TRIM25: variants seen among roughly 807,000 people sequenced by gnomAD.
The protein encoded by TRIM25 is tripartite motif containing 25.
A neutral mutation model predicts 65.2 loss-of-function variants in TRIM25; 45 were observed. The ratio of observed to expected loss-of-function variants is 0.69; its 90% CI spans 0.54 to 0.89. The LOEUF (loss-of-function observed/expected upper bound fraction) is 0.89. Among genes scored for constraint, TRIM25 ranks in the 40% least tolerant of loss-of-function variants. The pLI, the probability that TRIM25 is intolerant of heterozygous loss-of-function variation, is 0.00. For synonymous variants in TRIM25, 321 were observed against 340.4 expected (o/e 0.94, Z 0.63); for missense variants, 714 against 803.7 (o/e 0.89, Z 1.35).
At chr17:56,911,434 G>T (rs1598080414) in intron 1 of TRIM25, among the ~76,000 whole-genome samples, 1 of 152,092 alleles carries the variant, frequency 6.6e-6, no homozygotes, top group East Asian at 1.9e-4. Context: ...ACAAAAATTA[G>T]CTGGGCATGG....
intron 2 of TRIM25, 123 bp from the exon 3 acceptor site, chr17:56,904,611 C>T: frequency 1.2e-6 from 1 of 860,310 alleles, no homozygotes; most frequent in Non-Finnish European, 1.8e-6. Flanking sequence ...GAGAACAAAC[C>T]ACTGTGGGGA....
chr17:56,890,455 C>G lies in TRIM25; in HGVS notation c.*1245G>C, dbSNP rs148349967. The G allele has an allele frequency of 2.6e-4, 99 of 380,524 alleles. No individual in the cohort carries two copies. Among genetic ancestry groups the G allele is most frequent in the African/African-American group, 1.4e-3 (66 of 47,744 alleles). The allele number at this position is 380,524 out of a possible 1,614,324, so 23.6% of individuals were successfully genotyped here. On this transcript the variant is annotated 3_prime_UTR_variant, in exon 9 of 9. Transcript: ENST00000316881. Reference sequence around the variant, plus strand: ...AGTCAGTAGAAGGGGCTAGGGCCAGCCCCAGGCTCTGACTCACGCAAGGGC... The same window carrying G: ...AGTCAGTAGAAGGGGCTAGGGCCAGGCCCAGGCTCTGACTCACGCAAGGGC...
rs1909103930 is a variant in TRIM25 at position 56,888,551 on chromosome 17, T to G, written c.*3149A>C. On this transcript the variant is annotated 3_prime_UTR_variant, in exon 9 of 9. Transcript: ENST00000316881. ...AGACATTTTCAAACATATACAACAGTAAAATGAATAATATAATGAACCCTC... is the reference window on the plus strand; with the variant it reads ...AGACATTTTCAAACATATACAACAGGAAAATGAATAATATAATGAACCCTC... 1 of 151,806 alleles carries G rather than the reference T, an allele frequency of 6.6e-6. No homozygotes were observed. The highest frequency in any genetic ancestry group is 2.4e-5 in the African/African-American group (1 of 41,280). 9.4% of individuals were successfully genotyped at this position (151,806 alleles called of 1,614,324 possible). A position where few individuals can be genotyped will look rare whatever the true frequency, so the allele number is the denominator to read the frequency against.
chr17:56,913,263 G>T lies in TRIM25; in HGVS notation c.597+129C>A. The T allele has an allele frequency of 1.3e-6, 1 of 749,016 alleles. No homozygotes were observed. The highest frequency in any genetic ancestry group is 2.1e-6 in the Non-Finnish European group (1 of 485,058). The allele number at this position is 749,016 out of a possible 1,614,324, so 46.4% of individuals were successfully genotyped here. Reference sequence around the variant, plus strand: ...ATCCCCTTTCTACTCTGACATTGGAGATGCCCCGGCCTCGAATTCAGGCCC... The same window carrying T: ...ATCCCCTTTCTACTCTGACATTGGATATGCCCCGGCCTCGAATTCAGGCCC... On this transcript the variant is annotated intron_variant, in intron 1 of 8. Transcript: ENST00000316881. The surrounding 1 kb of genome is among the most constrained non-coding windows in gnomAD (Gnocchi z 6.1).
At chr17:56,901,227 G>T (rs1391019085) in intron 4 of TRIM25, among the ~76,000 whole-genome samples, 192 bp downstream of exon 4, 1 of 152,146 alleles carries the variant, frequency 6.6e-6, no homozygotes, top group Non-Finnish European at 1.5e-5. Context: ...AATGCTTTAG[G>T]AAAGATCCTA....
chr17:56,890,877 C>G lies in TRIM25; in HGVS notation c.*823G>C, dbSNP rs1884953036. 2.2e-6 allele frequency: 1 copy of G among 456,626 alleles called. No individual in the cohort carries two copies. Among genetic ancestry groups the G allele is most frequent in the African/African-American group, 2.0e-5 (1 of 50,086 alleles). The allele number at this position is 456,626 out of a possible 1,614,324, so 28.3% of individuals were successfully genotyped here. ...AGGCTATGGGAAGCAAGGCCTCCAG[C>G]AAAGCTCATGGCTGCCACCAAAGCA... is the stretch of plus-strand genomic sequence containing the variant. On this transcript the variant is annotated 3_prime_UTR_variant, in exon 9 of 9. Transcript: ENST00000316881.
chr17:56,899,318 C>G, intron 4 of TRIM25, 138 bp from the exon 5 acceptor site: 1 of 758,138 alleles, frequency 1.3e-6, no homozygotes, highest in East Asian at 2.8e-5. Context: ...CCATCGCTTA[C>G]AAGAGCTACA....
chr17:56,911,751 G>A (rs1385167254), intron 1 of TRIM25, among the ~76,000 whole-genome samples: 4 of 151,958 alleles, frequency 2.6e-5, no homozygotes, highest in Non-Finnish European at 5.9e-5. Flanking sequence ...ACTTAGCCAG[G>A]TGTGGTGGCT....
chr17:56,890,010 G>GAT lies in TRIM25; in HGVS notation c.*1689_*1690insAT. ...TATGTACCTGCATGTCAGGTGTGTA[G>GAT]CTGTCAGGAATATCAAGTGTTCTGA... is the stretch of plus-strand genomic sequence containing the variant. On this transcript the variant is annotated 3_prime_UTR_variant, in exon 9 of 9. Coordinates refer to ENST00000316881, the MANE Select transcript of TRIM25 (RefSeq NM_005082.5). 11 of 402,930 alleles carry GAT rather than the reference G, an allele frequency of 2.7e-5. No homozygotes were observed. The highest frequency in any genetic ancestry group is 1.2e-4 in the South Asian group (1 of 8,226). The allele number at this position is 402,930 out of a possible 1,614,324, so 25.0% of individuals were successfully genotyped here.
Position 56,895,445 on chromosome 17 carries a change from G to A in TRIM25, c.1265-4C>T, listed in dbSNP as rs1431826023. On this transcript the variant is annotated splice_polypyrimidine_tract_variant and splice_region_variant and intron_variant, in intron 7 of 8. Transcript: ENST00000316881. ...GAGCTGGTGGCTTTGGCTGCAGCTG[G>A]GAGAGGAAACAGAGAGTGATTTGCA... 3.7e-6 allele frequency: 6 copies of A among 1,614,026 alleles called. No homozygotes were observed. The highest frequency in any genetic ancestry group is 1.6e-4 in the Middle Eastern group (1 of 6,084).
chr17:56,901,528 C>T lies in TRIM25; in HGVS notation c.978G>A (p.Glu326=), dbSNP rs1257703225. ...GISTKPVYIP[E]VELNHKLIKG... is the part of the protein sequence containing the mutation. Reference sequence around the variant, plus strand: ...TTATCAGCTTGTGGTTCAGTTCCACCTCGGGGATGTAGACTGGCTTTGTTG... The same window carrying T: ...TTATCAGCTTGTGGTTCAGTTCCACTTCGGGGATGTAGACTGGCTTTGTTG... The change falls in exon 4 of 9, where the codon GAG becomes GAA. Residue 326 remains glutamate (E), a synonymous_variant. Transcript: ENST00000316881. The T allele has an allele frequency of 1.2e-6, 2 of 1,614,004 alleles. No homozygotes were observed. The highest frequency in any genetic ancestry group is 8.5e-7 in the Non-Finnish European group (1 of 1,180,044).
In TRIM25 at chr17:56,914,023, C is replaced by T. The variant is rs908595058; in HGVS notation, c.-35G>A. Reference sequence around the variant, plus strand: ...AGGGGTCGGGACACAACTGCTGCACCCGCGCTCCGAGGCCGCCGAGGAAAC... The same window carrying T: ...AGGGGTCGGGACACAACTGCTGCACTCGCGCTCCGAGGCCGCCGAGGAAAC... On this transcript the variant is annotated 5_prime_UTR_variant, in exon 1 of 9. Transcript: ENST00000316881. The T allele has an allele frequency of 1.4e-6, 2 of 1,437,304 alleles. No individual in the cohort carries two copies. Among genetic ancestry groups the T allele is most frequent in the Admixed American group, 4.9e-5 (2 of 40,492 alleles). 89.0% of individuals were successfully genotyped at this position (1,437,304 alleles called of 1,614,324 possible).
chr17:56,906,694 C>CA (rs1909527240), intron 2 of TRIM25, among the ~76,000 whole-genome samples: 1 of 152,136 alleles, frequency 6.6e-6, no homozygotes, highest in Non-Finnish European at 1.5e-5. Context: ...GGGGTTTCGC[C>CA]ATGTTGGCCA....
At chr17:56,902,415 A>G (rs1487229575) in intron 3 of TRIM25, among the ~76,000 whole-genome samples, 1 of 152,240 alleles carries the variant, frequency 6.6e-6, no homozygotes, top group Non-Finnish European at 1.5e-5. Flanking sequence ...CAGTCAAAAC[A>G]GCCATGAAAA....
chr17:56,904,123 T>C (rs1909469671), intron 3 of TRIM25, 132 bp downstream of exon 3: 5 of 729,670 alleles, frequency 6.9e-6, no homozygotes, highest in Middle Eastern at 4.8e-4. Flanking sequence ...AGAAAACTAA[T>C]ACAGCGTGTG....
Position 56,890,998 on chromosome 17 carries a change from T to C in TRIM25, c.*702A>G. The stretch of plus-strand genomic sequence containing the variant: ...CCTGAATCACAAATCCAACACAGGC[T>C]GATTCCAATCATGGTTTGAAGCTTT... On this transcript the variant is annotated 3_prime_UTR_variant, in exon 9 of 9. Transcript: ENST00000316881. 2.3e-6 allele frequency: 1 copy of C among 434,436 alleles called. No individual in the cohort carries two copies. Among genetic ancestry groups the C allele is most frequent in the Non-Finnish European group, 4.7e-6 (1 of 214,424 alleles). 26.9% of individuals were successfully genotyped at this position (434,436 alleles called of 1,614,324 possible). A position where few individuals can be genotyped will look rare whatever the true frequency, so the allele number is the denominator to read the frequency against.
At chr17:56,896,509 A>G (rs1044490993) in intron 5 of TRIM25, among the ~76,000 whole-genome samples, 5 of 151,822 alleles carry the variant, frequency 3.3e-5, no homozygotes, top group East Asian at 1.9e-4. Flanking sequence ...AAAAAAAAAA[A>G]AAAAGAAAAA....
intron 4 of TRIM25, 131 bp from the exon 5 acceptor site, chr17:56,899,311 T>C (rs1409122880): frequency 6.1e-6 from 5 of 826,006 alleles, no homozygotes; most frequent in Non-Finnish European, 9.7e-6. Context: ...CCCCATCCCA[T>C]CGCTTACAAG....
intron 6 of TRIM25, 118 bp from the exon 7 acceptor site, chr17:56,895,722 A>G: frequency 1.6e-6 from 2 of 1,263,510 alleles, no homozygotes; most frequent in South Asian, 2.9e-5. Flanking sequence ...AACACAGGGG[A>G]AAACAGACAA....
Sources: allele counts gnomAD v4.1 joint callset (sites outside exome capture counted in the v4.1 genomes callset), GRCh38; gene constraint gnomAD v4.1.1; non-coding constraint Gnocchi (gnomAD v3.1); transcripts MANE v1.5; gene names NCBI Gene and HGNC (gene_info 2026-07-23, HGNC 2026-07-21).